KIF16B: variants seen among roughly 807,000 people sequenced by gnomAD.
KIF16B encodes kinesin family member 16B, also known as kinesin-like protein KIF16B.
In KIF16B, 98 loss-of-function variants were observed where a neutral mutation model predicts 156.3. The observed-to-expected ratio is 0.63, with a 90% confidence interval of 0.53 to 0.74. The LOEUF (loss-of-function observed/expected upper bound fraction) is 0.74. KIF16B is among the 30% of genes least tolerant of loss of function. The pLI, the probability that KIF16B is intolerant of heterozygous loss-of-function variation, is 0.00. For synonymous variants in KIF16B, 564 were observed against 583.7 expected, an observed-to-expected ratio of 0.97 and a Z score of 0.49; for missense variants, 1,421 against 1,606.5, an observed-to-expected ratio of 0.88 and a Z score of 1.97.
intron 15 of KIF16B, among the ~76,000 whole-genome samples, chr20:16,409,948 C>CATATATAT (rs74175688): frequency 7.3e-5 from 4 of 54,938 alleles, no homozygotes; most frequent in Admixed American, 2.4e-4. Context: ...CACTTACCTA[C>CATATATAT]ATATATATAT....
chr20:16,548,703 G>A (rs575260059), intron 1 of KIF16B, among the ~76,000 whole-genome samples: 110 of 152,118 alleles, frequency 7.2e-4, no homozygotes, highest in African/African-American at 2.4e-3. Flanking sequence ...TCACAAAACC[G>A]GTCCCTGGTG....
At position 16,431,913 on chromosome 20, in the gene KIF16B, T is replaced by C. The variant is rs868790557; in HGVS notation, c.1303-1931A>G. ...TACTATCCATTTATATGTATACGTA[T>C]ACACACACACACACACACACACACA... On this transcript the variant is annotated intron_variant, in intron 12 of 25. Coordinates refer to ENST00000354981, the MANE Select transcript of KIF16B (RefSeq NM_024704.5). 4.7e-3 allele frequency among the ~76,000 whole-genome samples: 671 copies of C among 143,804 alleles called. 5 individuals carry two copies. Among genetic ancestry groups the C allele is most frequent in the Middle Eastern group, 0.022 (6 of 276 alleles). The allele number at this position is 143,804 out of a possible 152,430, so 94.3% of individuals were successfully genotyped here. A position where few individuals can be genotyped will look rare whatever the true frequency, so the allele number is the denominator to read the frequency against.
intron 23 of KIF16B, among the ~76,000 whole-genome samples, chr20:16,350,357 A>T (rs1043463433): frequency 6.6e-6 from 1 of 152,186 alleles, no homozygotes; most frequent in Non-Finnish European, 1.5e-5. Context: ...TCTAAGAGCA[A>T]GGGGCTGGAG....
chr20:16,346,772 G>C (rs1350347849), intron 23 of KIF16B, among the ~76,000 whole-genome samples: 1 of 152,170 alleles, frequency 6.6e-6, no homozygotes, highest in African/African-American at 2.4e-5. Flanking sequence ...GATTGTCACT[G>C]ATAAAGTGCT....
intron 24 of KIF16B, among the ~76,000 whole-genome samples, chr20:16,314,827 C>T (rs570112918): frequency 1.1e-4 from 17 of 152,172 alleles, no homozygotes; most frequent in Non-Finnish European, 2.5e-4. Flanking sequence ...AAGGGTTTTC[C>T]GGAACCTGGA....
rs370790642 is a variant in KIF16B at position 16,535,825 on chromosome 20, T to A, written c.48-7385A>T. ...TTTACCCCAGTTAGAATGGCTGTTA[T>A]TAAAAAGACAAGAAATAACAGATGC... On this transcript the variant is annotated intron_variant, in intron 1 of 25. Transcript: ENST00000354981. 2.1e-3 allele frequency among the ~76,000 whole-genome samples: 313 copies of A among 152,288 alleles called. 2 individuals carry two copies. Among genetic ancestry groups the A allele is most frequent in the African/African-American group, 7.0e-3 (289 of 41,562 alleles).
chr20:16,285,480 G>GTATC (rs1341917824), intron 25 of KIF16B, among the ~76,000 whole-genome samples: 3 of 152,012 alleles, frequency 2.0e-5, no homozygotes, highest in Admixed American at 1.3e-4. Context: ...GTTTTTTTGC[G>GTATC]TATCTTTCTA....
At chr20:16,331,723 A>T (rs2063951758) in intron 24 of KIF16B, among the ~76,000 whole-genome samples, 1 of 152,214 alleles carries the variant, frequency 6.6e-6, no homozygotes, top group Non-Finnish European at 1.5e-5. Flanking sequence ...CCATGAGAGG[A>T]AATTTTCAGG....
chr20:16,283,735 T>C (rs1042024120), intron 25 of KIF16B, among the ~76,000 whole-genome samples: 2 of 152,176 alleles, frequency 1.3e-5, no homozygotes, highest in African/African-American at 4.8e-5. Flanking sequence ...TCAGAAGTCC[T>C]GCCACAGTGC....
At chr20:16,273,816 C>T (rs537668187) in intron 25 of KIF16B, among the ~76,000 whole-genome samples, 6 of 152,284 alleles carry the variant, frequency 3.9e-5, no homozygotes, top group African/African-American at 1.4e-4. Context: ...GTGAGGAATG[C>T]CCTCCACTGT....
chr20:16,565,250 T>G (rs904310128), intron 1 of KIF16B, among the ~76,000 whole-genome samples: 2 of 152,184 alleles, frequency 1.3e-5, no homozygotes, highest in African/African-American at 4.8e-5. Flanking sequence ...TATCTACTGA[T>G]AGTTACCATG....
chr20:16,497,804 C>T, intron 10 of KIF16B, 126 bp from the exon 11 acceptor site: 1 of 671,320 alleles, frequency 1.5e-6, no homozygotes, highest in South Asian at 2.1e-5. Context: ...ATGTCCTACA[C>T]CCTGCCAAAA....
chr20:16,545,652 G>A (rs1270388485), intron 1 of KIF16B, among the ~76,000 whole-genome samples: 1 of 152,192 alleles, frequency 6.6e-6, no homozygotes. Flanking sequence ...GTGACAGAGT[G>A]AGACTCTGTC....
chr20:16,518,016 C>A (rs1256291775), intron 3 of KIF16B, among the ~76,000 whole-genome samples: 3 of 152,094 alleles, frequency 2.0e-5, no homozygotes, highest in Non-Finnish European at 4.4e-5. Flanking sequence ...CTTCATTGCC[C>A]AGAAAGTTAA....
intron 24 of KIF16B, among the ~76,000 whole-genome samples, chr20:16,320,919 A>T (rs371221916): frequency 6.6e-6 from 1 of 152,212 alleles, no homozygotes; most frequent in African/African-American, 2.4e-5. Flanking sequence ...TATATTTTAG[A>T]GACAATATAT....
chr20:16,478,730 G>A (rs2067890349), intron 12 of KIF16B, among the ~76,000 whole-genome samples: 1 of 152,096 alleles, frequency 6.6e-6, no homozygotes, highest in Non-Finnish European at 1.5e-5. Flanking sequence ...GAGTAATGAT[G>A]CAGGTATATT....
intron 25 of KIF16B, among the ~76,000 whole-genome samples, chr20:16,300,944 A>G (rs984765034): frequency 1.3e-5 from 2 of 152,218 alleles, no homozygotes; most frequent in Non-Finnish European, 2.9e-5. Flanking sequence ...TATATCATAC[A>G]GAGTAGCTTT....
chr20:16,295,347 G>A (rs550359295), intron 25 of KIF16B, among the ~76,000 whole-genome samples: 12 of 152,062 alleles, frequency 7.9e-5, no homozygotes, highest in Admixed American at 2.0e-4. Context: ...AATTAATATT[G>A]TATTCTACTG....
chr20:16,474,831 A>T (rs576985422), intron 12 of KIF16B, among the ~76,000 whole-genome samples: 1 of 152,358 alleles, frequency 6.6e-6, no homozygotes, highest in South Asian at 2.1e-4. Flanking sequence ...GACAACTTCT[A>T]ACTGCCTTAG....
Sources: gnomAD v4.1 joint callset for allele counts (sites outside exome capture counted in the v4.1 genomes callset) on GRCh38, gnomAD v4.1.1 for gene constraint, MANE v1.5 for transcripts, NCBI Gene and HGNC (gene_info 2026-07-23, HGNC 2026-07-21) for gene names.